KIAA1210: variants seen among roughly 807,000 people sequenced by gnomAD.
The protein encoded by KIAA1210 is KIAA1210.
KIAA1210 carries 48 observed loss-of-function variants against 78.9 expected under a neutral mutation model. That is an observed-to-expected ratio of 0.61 (90% confidence interval 0.48 to 0.77). The LOEUF (loss-of-function observed/expected upper bound fraction) is 0.77. KIAA1210 is among the 30% of genes least tolerant of loss of function. KIAA1210 has a pLI of 0.00. For missense variants in KIAA1210, 1,108 were observed against 1,100.0 expected, an observed-to-expected ratio of 1.01 and a Z score of -0.10; for synonymous variants, 406 against 404.5, an observed-to-expected ratio of 1.00 and a Z score of -0.04.
At position 119,088,812 on chromosome X, in the gene KIAA1210, C is replaced by T. The variant is rs61734971; in HGVS notation, c.1890G>A (p.Gly630=). 12,358 of 1,209,803 alleles carry T rather than the reference C, an allele frequency of 0.01. 79 individuals are homozygous for T. The highest frequency in any genetic ancestry group is 0.031 in the Middle Eastern group (135 of 4,347). ...LAHGHSSQSL[G]KFEDEQEVFS... is the part of the protein sequence containing the mutation. ...AGACTTCTTGTTCATCTTCAAACTT[C>T]CCCAAGGACTGGGAAGAGTGACCAT... The change falls in exon 9 of 12, where the codon GGG becomes GGA. Residue 630 remains glycine, a synonymous_variant. Transcript: ENST00000691062.
At chrX:119,099,073 C>A (rs1225389828) in intron 6 of KIAA1210, among the ~76,000 whole-genome samples, 1 of 112,257 alleles carries the variant, frequency 8.9e-6, no homozygotes, top group Non-Finnish European at 1.9e-5. Context: ...ACAAGGAGGT[C>A]TATGAATCTG....
At chrX:119,102,847 G>T (rs1382876716) in intron 6 of KIAA1210, among the ~76,000 whole-genome samples, 1 of 111,770 alleles carries the variant, frequency 8.9e-6, no homozygotes, top group Non-Finnish European at 1.9e-5. Flanking sequence ...TGGGACAAAG[G>T]ACAAAACTCA....
Position 119,109,147 on chromosome X carries a change from C to T in KIAA1210, c.286G>A (p.Gly96Ser). 8.3e-7 allele frequency: 1 copy of T among 1,207,233 alleles called. No individual in the cohort carries two copies. Among genetic ancestry groups the T allele is most frequent in the Non-Finnish European group, 1.1e-6 (1 of 892,449 alleles). Residue 96 changes from glycine to serine, a missense_variant, in exon 4 of 12, where the codon GGT becomes AGT. This residue lies in a region of KIAA1210 where 672 missense variants were observed against 607.1 expected (regional missense o/e 1.11). Transcript: ENST00000691062. ...ALSHDSIFML[G>S]PEPERSASKM... Reference sequence around the variant, plus strand: ...CTTGCTGATCTTTCAGGCTCAGGACCCAACATGAAGATGCTATCATGGGAT... The same window carrying T: ...CTTGCTGATCTTTCAGGCTCAGGACTCAACATGAAGATGCTATCATGGGAT...
At chrX:119,122,540 T>A (rs1928501943) in intron 2 of KIAA1210, among the ~76,000 whole-genome samples, 1 of 112,460 alleles carries the variant, frequency 8.9e-6, no homozygotes, top group Non-Finnish European at 1.9e-5. Context: ...CTACCACTCT[T>A]CATCAAGATA....
chrX:119,105,937 C>T (rs1225522252), intron 5 of KIAA1210, among the ~76,000 whole-genome samples: 1 of 111,731 alleles, frequency 9.0e-6, no homozygotes, highest in East Asian at 2.8e-4. Flanking sequence ...TGCATTACAC[C>T]CCATTCCAGG....
At chrX:119,128,104 C>T (rs970352649), upstream of KIAA1210, among the ~76,000 whole-genome samples, 3 of 111,197 alleles carry the variant, frequency 2.7e-5, no homozygotes, top group African/African-American at 9.8e-5. Context: ...GAATTGCAAG[C>T]CACGTATTTT....
chrX:119,122,763 A>G lies in KIAA1210; in HGVS notation c.61+819T>C, dbSNP rs375272747. Among the ~76,000 whole-genome samples the G allele has an allele frequency of 7.1e-5, 8 of 111,917 alleles. No individual in the cohort carries two copies. In the East Asian group the frequency reaches 2.0e-3, roughly 27 times the overall value. On this transcript the variant is annotated intron_variant, in intron 2 of 11. Transcript: ENST00000691062. ...ACACAATACTAAACAGTGATAACAC[A>G]GAGATGAAGAAGACCCAAGCACTGC...
intron 10 of KIAA1210, among the ~76,000 whole-genome samples, chrX:119,083,433 C>T (rs747054395): frequency 2.5e-4 from 28 of 112,001 alleles, no homozygotes; most frequent in Non-Finnish European, 4.3e-4. Context: ...TGAGAACAAC[C>T]TTTTCCTTAG....
intron 3 of KIAA1210, among the ~76,000 whole-genome samples, chrX:119,110,598 G>A (rs1213700152): frequency 9.0e-6 from 1 of 111,607 alleles, no homozygotes; most frequent in Admixed American, 9.5e-5. Context: ...AAAATGACTA[G>A]AATATATGAA....
chrX:119,088,565 G>A lies in KIAA1210; in HGVS notation c.2137C>T (p.Gln713Ter). Residue 713 changes from glutamine (Q) to a stop codon, truncating the protein, a stop_gained, in exon 9 of 12, where the codon CAA becomes TAA. Transcript: ENST00000691062. LOFTEE classifies it high-confidence loss of function. ...AQALGKPKNQ[Q>*]EVSSASNNTP... ...TTATTTGAAGCAGAGGAGACTTCTT[G>A]TTGGTTTTTGGGCTTTCCCAAGGCC... 1 of 1,211,280 alleles carries A rather than the reference G, an allele frequency of 8.3e-7. No individual in the cohort carries two copies. Among genetic ancestry groups the A allele is most frequent in the Non-Finnish European group, 1.1e-6 (1 of 895,246 alleles).
At chrX:119,113,712 A>G (rs549336706) in intron 3 of KIAA1210, among the ~76,000 whole-genome samples, 2 of 112,280 alleles carry the variant, frequency 1.8e-5, no homozygotes, top group African/African-American at 6.5e-5. Context: ...TTAAATGATA[A>G]AAGTTATTCC....
rs192115223 is a variant in KIAA1210, at chrX:119,106,377, G to A, written c.493-1230C>T. On this transcript the variant is annotated intron_variant, in intron 5 of 11. Coordinates refer to ENST00000691062, the MANE Select transcript of KIAA1210 (RefSeq NM_001394962.1). ...GGGAAAACAAAATTTGAGAGATGAT[G>A]TAACCTGCCCTAATTCTTTCAGTGG... is the stretch of plus-strand genomic sequence containing the variant. 1.7e-3 allele frequency among the ~76,000 whole-genome samples: 194 copies of A among 111,926 alleles called. 1 individual carries two copies. The highest frequency in any genetic ancestry group is 3.3e-3 in the Non-Finnish European group (173 of 53,206).
chrX:119,141,917 T>C (rs1929057768), intron 2 of KIAA1210, among the ~76,000 whole-genome samples: 1 of 112,780 alleles, frequency 8.9e-6, no homozygotes, highest in Non-Finnish European at 1.9e-5. Context: ...CTTTGTGTAG[T>C]GCTCTTGACT....
chrX:119,089,186 C>G lies in KIAA1210; in HGVS notation c.1516G>C (p.Glu506Gln), dbSNP rs779017952. 5.8e-6 allele frequency: 7 copies of G among 1,210,263 alleles called. No individual in the cohort carries two copies. The highest frequency in any genetic ancestry group is 2.3e-4 in the Middle Eastern group (1 of 4,347). ...TCTGCTGCTACTGAGAGAATGGCCT[C>G]CTCTTGGGTTGTAGAAAGGCTTTCC... is the stretch of plus-strand genomic sequence containing the variant. Reference protein sequence around the residue: ...MVESLSTTQEEAILSVAAEAQ... With the variant: ...MVESLSTTQEQAILSVAAEAQ... Residue 506 changes from glutamate to glutamine, a missense_variant, in exon 9 of 12, where the codon GAG (glutamate) becomes CAG (glutamine). Glu to Gln is a conservative substitution (Grantham distance 29). Coordinates refer to ENST00000691062, the MANE Select transcript of KIAA1210 (RefSeq NM_001394962.1).
chrX:119,113,995 G>A (rs747584267), intron 3 of KIAA1210, among the ~76,000 whole-genome samples: 1 of 111,859 alleles, frequency 8.9e-6, no homozygotes, highest in South Asian at 3.8e-4. Context: ...GTTTCTTTTA[G>A]GGAGGGGTAG....
rs1926906297 is a variant in KIAA1210, at chrX:119,080,289, C to T, written c.*1040G>A. The T allele has an allele frequency of 9.0e-6, 1 of 111,414 alleles. No homozygotes were observed. The highest frequency in any genetic ancestry group is 9.5e-5 in the Admixed American group (1 of 10,541). 9.2% of individuals were successfully genotyped at this position (111,414 alleles called of 1,213,427 possible). On this transcript the variant is annotated 3_prime_UTR_variant, in exon 12 of 12. Transcript: ENST00000691062. ...TACAGCCAGGCCTGTGACAGGTCGA[C>T]GTGGGGTATGTCCAAAGAGGGAGCT... is the stretch of plus-strand genomic sequence containing the variant.
At position 119,096,598 on chromosome X, in the gene KIAA1210, C is replaced by G. The variant is rs370601857; in HGVS notation, c.742G>C (p.Gly248Arg). Residue 248 changes from glycine (G) to arginine (R), a missense_variant, in exon 7 of 12, where the codon GGT becomes CGT. Coordinates refer to ENST00000691062, the MANE Select transcript of KIAA1210 (RefSeq NM_001394962.1). ...ASTSSTQLPI[G>R]FSTPATTQGC... ...TGGGTGGTGGCTGGGGTGCTGAAACCAATGGGCAGCTGGGTGCTACTGGTA... is the reference window on the plus strand; with the variant it reads ...TGGGTGGTGGCTGGGGTGCTGAAACGAATGGGCAGCTGGGTGCTACTGGTA... 13 of 1,209,231 alleles carry G rather than the reference C, an allele frequency of 1.1e-5. No individual in the cohort carries two copies. In the African/African-American group the frequency reaches 2.1e-4, roughly 20 times the overall value.
At chrX:119,138,290 C>T (rs1016528047) in intron 2 of KIAA1210, among the ~76,000 whole-genome samples, 1 of 89,464 alleles carries the variant, frequency 1.1e-5, no homozygotes, top group Non-Finnish European at 2.1e-5. Flanking sequence ...GCAATCTTGG[C>T]TCACTGCAAA....
intron 2 of KIAA1210, among the ~76,000 whole-genome samples, chrX:119,136,660 C>T (rs774297420): frequency 2.7e-5 from 3 of 111,076 alleles, no homozygotes; most frequent in Non-Finnish European, 5.7e-5. Context: ...GACCCCATCT[C>T]TACAAAAAAA....
Sources: allele counts gnomAD v4.1 joint callset (sites outside exome capture counted in the v4.1 genomes callset), GRCh38; gene constraint gnomAD v4.1.1; regional missense constraint gnomAD v4.1.1; transcripts MANE v1.5; gene names NCBI Gene and HGNC (gene_info 2026-07-23, HGNC 2026-07-21).